The following GOLGB1 variants were observed in gnomAD, a reference collection of about 807,000 sequenced individuals.
GOLGB1 encodes golgin subfamily B member 1.
GOLGB1 carries 174 observed loss-of-function variants against 336.9 expected under a neutral mutation model. The observed-to-expected ratio is 0.52, with a 90% CI of 0.46 to 0.59. The LOEUF (loss-of-function observed/expected upper bound fraction) is 0.59, where lower values mean the gene tolerates loss of function less well. GOLGB1 is among the 20% of genes least tolerant of loss of function. The pLI is 0.00. For synonymous variants in GOLGB1, 1,208 were observed against 1,289.2 expected (o/e 0.94, Z 1.35); for missense variants, 3,331 against 3,645.3 (o/e 0.91, Z 2.22).
In GOLGB1 at chr3:121,697,235, C is replaced by G; in HGVS notation, c.3288G>C (p.Gln1096His). 1.2e-6 allele frequency: 2 copies of G among 1,614,096 alleles called. No homozygotes were observed. The highest frequency in any genetic ancestry group is 1.7e-6 in the Non-Finnish European group (2 of 1,179,968). The change falls in exon 13 of 22, where the codon CAG becomes CAC. Residue 1096 changes from glutamine (Q) to histidine (H), a missense_variant. Transcript: ENST00000614479. ...EEKLAAEEQF[Q>H]ALVKQMNQTL... ...TCTGATTCATCTGTTTGACCAGAGC[C>G]TGGAATTGCTCTTCAGCTGCCAGCT...
In GOLGB1 at chr3:121,702,463, G is replaced by A; in HGVS notation, c.1519+18C>T. ...TGGGATAAGAAGACAGAGAATTATG[G>A]TTTTCTTTTATACATACCATTCTCA... On this transcript the variant is annotated intron_variant, in intron 11 of 21. Coordinates refer to ENST00000614479, the MANE Select transcript of GOLGB1 (RefSeq NM_001366282.2). 8.6e-7 allele frequency: 1 copy of A among 1,167,588 alleles called. No individual in the cohort carries two copies. Among genetic ancestry groups the A allele is most frequent in the Non-Finnish European group, 1.2e-6 (1 of 852,254 alleles). The allele number at this position is 1,167,588 out of a possible 1,614,324, so 72.3% of individuals were successfully genotyped here. A position where few individuals can be genotyped will look rare whatever the true frequency, so the allele number is the denominator to read the frequency against.
chr3:121,698,160 TC>T lies in GOLGB1; in HGVS notation c.2362del (p.Asp788IlefsTer21). The T allele has an allele frequency of 1.9e-6, 3 of 1,613,784 alleles. No homozygotes were observed. Among genetic ancestry groups the T allele is most frequent in the Non-Finnish European group, 2.5e-6 (3 of 1,179,918 alleles). On this transcript the variant is annotated frameshift_variant, in exon 13 of 22. Transcript: ENST00000614479. LOFTEE classifies it high-confidence loss of function. Reference protein sequence around the residue: ...LAEAERQRRLDYESQTAHDNL... With the variant: ...LAEAERQRRLXYESQTAHDNL... ...GTCATGGGCAGTTTGGCTTTCATAA[TC>T]AAGTCTTCTTTGCCTTTCTGCTTCT... is the stretch of plus-strand genomic sequence containing the variant.
At position 121,717,137 on chromosome 3, in the gene GOLGB1, A is replaced by T. The variant is rs1412378463; in HGVS notation, c.888T>A (p.Ile296=). 1 of 1,592,056 alleles carries T rather than the reference A, an allele frequency of 6.3e-7. No homozygotes were observed. Among genetic ancestry groups the T allele is most frequent in the Non-Finnish European group, 8.5e-7 (1 of 1,170,990 alleles). The change falls in exon 9 of 22, where the codon ATT becomes ATA. Residue 296 remains isoleucine (I), a splice_region_variant and synonymous_variant. Coordinates refer to ENST00000614479, the MANE Select transcript of GOLGB1 (RefSeq NM_001366282.2). ...CCATCTGCTGTAACTGCTGAGAGAG[A>T]ATCTAAGAAAAAAGACAAAGTCTCA... ...ELTAAEQRNQ[I]LSQQLQQMEA... is the part of the protein sequence containing the mutation.
chr3:121,697,822 T>C lies in GOLGB1; in HGVS notation c.2701A>G (p.Ile901Val), dbSNP rs575844307. The change falls in exon 13 of 22, where the codon ATC (isoleucine) becomes GTC (valine). Residue 901 changes from isoleucine to valine, a missense_variant. Ile to Val is a conservative substitution (Grantham distance 29). Coordinates refer to ENST00000614479, the MANE Select transcript of GOLGB1 (RefSeq NM_001366282.2). Reference protein sequence around the residue: ...KRDVETLQQTIEEKDQQVTEI... With the variant: ...KRDVETLQQTVEEKDQQVTEI... ...GTCACTTGTTGATCCTTCTCCTCGA[T>C]GGTTTGTTGGAGGGTTTCCACATCT... 1.2e-6 allele frequency: 2 copies of C among 1,614,110 alleles called. No individual in the cohort carries two copies. The highest frequency in any genetic ancestry group is 2.2e-5 in the South Asian group (2 of 91,076).
intron 10 of GOLGB1, among the ~76,000 whole-genome samples, chr3:121,714,073 G>A (rs1179712277): frequency 6.6e-6 from 1 of 152,210 alleles, no homozygotes; most frequent in African/African-American, 2.4e-5. Flanking sequence ...GGAGGAAAAA[G>A]TCGAGAATGG....
At chr3:121,742,449 C>A (rs1382694284) in intron 1 of GOLGB1, among the ~76,000 whole-genome samples, 1 of 152,110 alleles carries the variant, frequency 6.6e-6, no homozygotes, top group East Asian at 1.9e-4. Flanking sequence ...TTCCTTGCAC[C>A]TTATACAAAA....
At chr3:121,711,858 A>G (rs1340805258) in intron 10 of GOLGB1, among the ~76,000 whole-genome samples, 6 of 152,228 alleles carry the variant, frequency 3.9e-5, no homozygotes, top group African/African-American at 1.4e-4. Context: ...ATATTCGTAG[A>G]TTTAAAAGTA....
chr3:121,722,582 A>G (rs1945275997), intron 5 of GOLGB1, among the ~76,000 whole-genome samples: 1 of 152,284 alleles, frequency 6.6e-6, no homozygotes, highest in Admixed American at 6.5e-5. Context: ...CAATTTTTCA[A>G]TTTCTCTGAC....
At position 121,692,015 on chromosome 3, in the gene GOLGB1, A is replaced by G; in HGVS notation, c.7349T>C (p.Leu2450Pro). The part of the protein sequence containing the change: ...VDKTNQLMET[L>P]KTIKKENIQQ... ...AATGTTTTCCTTTTTGATGGTTTTC[A>G]GTGTTTCCATAAGCTGATTGGTTTT... Residue 2450 changes from leucine (L) to proline (P), a missense_variant, in exon 14 of 22, where the codon CTG (leucine) becomes CCG (proline). Transcript: ENST00000614479. The G allele has an allele frequency of 6.2e-7, 1 of 1,613,554 alleles. No individual in the cohort carries two copies. Among genetic ancestry groups the G allele is most frequent in the Non-Finnish European group, 8.5e-7 (1 of 1,179,814 alleles).
intron 5 of GOLGB1, among the ~76,000 whole-genome samples, chr3:121,722,594 C>T (rs1322699769): frequency 6.6e-6 from 1 of 152,048 alleles, no homozygotes; most frequent in Non-Finnish European, 1.5e-5. Context: ...TTCTCTGACT[C>T]CTCACATAGA....
In GOLGB1 at chr3:121,690,664, A is replaced by G; in HGVS notation, c.8694+6T>C. The G allele has an allele frequency of 7.2e-7, 1 of 1,386,128 alleles. No individual in the cohort carries two copies. The highest frequency in any genetic ancestry group is 9.8e-7 in the Non-Finnish European group (1 of 1,023,696). The allele number at this position is 1,386,128 out of a possible 1,614,324, so 85.9% of individuals were successfully genotyped here. ...ACAGATCAGAAAGAAAGAACTAGCT[A>G]CTCACTAGTCTGTCTCTGTCATTTT... On this transcript the variant is annotated splice_donor_region_variant and intron_variant, in intron 14 of 21. Transcript: ENST00000614479.
chr3:121,682,859 C>A (rs1197466469), intron 14 of GOLGB1, among the ~76,000 whole-genome samples: 3 of 151,976 alleles, frequency 2.0e-5, no homozygotes, highest in African/African-American at 7.3e-5. Context: ...CTTAACAGAT[C>A]TGAGAAAGCA....
chr3:121,721,599 A>G (rs1229174951), intron 6 of GOLGB1, among the ~76,000 whole-genome samples: 2 of 152,170 alleles, frequency 1.3e-5, no homozygotes, highest in Non-Finnish European at 2.9e-5. Context: ...TACCACTTGT[A>G]CTCCAGCTTG....
chr3:121,667,947 AATAAG>A lies in GOLGB1; in HGVS notation c.9419+109_9419+113del, dbSNP rs1938872275. On this transcript the variant is annotated intron_variant, in intron 19 of 21. Transcript: ENST00000614479. ...ATCCTCACATCACTTCTGTGAGGCT[AATAAG>A]ATAACAAGACATATTAAATCCATAT... 1.5e-5 allele frequency: 9 copies of A among 600,262 alleles called. No individual in the cohort carries two copies. In the Admixed American group the frequency reaches 2.6e-4, roughly 18 times the overall value. 37.2% of individuals were successfully genotyped at this position (600,262 alleles called of 1,614,324 possible).
Position 121,730,993 on chromosome 3 carries a change from GA to G in GOLGB1, c.-2-21del, listed in dbSNP as rs762436321. 1.2e-5 allele frequency: 19 copies of G among 1,602,878 alleles called. No homozygotes were observed. The highest frequency in any genetic ancestry group is 4.5e-5 in the East Asian group (2 of 44,764). On this transcript the variant is annotated intron_variant, in intron 1 of 21. Transcript: ENST00000614479. ...GCATTTCTGTAGGAAAAGAAGGGGG[GA>G]AAAAACCTAAGAATCAGCAAAATGA...
At chr3:121,702,446 GA>G in intron 11 of GOLGB1, 34 bp downstream of exon 11, 1 of 919,268 alleles carries the variant, frequency 1.1e-6, no homozygotes, top group South Asian at 2.4e-5. Flanking sequence ...TGTGGGATAA[GA>G]AGACAGAGAA....
chr3:121,672,955 C>A (rs189553514), intron 17 of GOLGB1, among the ~76,000 whole-genome samples: 1 of 152,172 alleles, frequency 6.6e-6, no homozygotes, highest in East Asian at 1.9e-4. Flanking sequence ...TGGCTTTATA[C>A]CTGGGTTTCT....
intron 15 of GOLGB1, among the ~76,000 whole-genome samples, chr3:121,678,993 A>T (rs1425430083): frequency 2.1e-5 from 3 of 146,020 alleles, no homozygotes; most frequent in Admixed American, 6.7e-5. Context: ...AAACTGAATT[A>T]AAAAAAAAAT....
At chr3:121,702,699 C>A in intron 10 of GOLGB1, 104 bp from the exon 11 acceptor site, 1 of 430,722 alleles carries the variant, frequency 2.3e-6, no homozygotes. Flanking sequence ...GTTCTCCAGC[C>A]ATGAAAATAC....
Sources: gnomAD v4.1 joint callset for allele counts (sites outside exome capture counted in the v4.1 genomes callset) on GRCh38, gnomAD v4.1.1 for gene constraint, MANE v1.5 for transcripts, NCBI Gene and HGNC (gene_info 2026-07-23, HGNC 2026-07-21) for gene names.